ROBO1: variants seen among roughly 807,000 people sequenced by gnomAD.
ROBO1 encodes roundabout homolog 1.
Under a neutral mutation model 195.9 loss-of-function variants are expected in ROBO1, and 149 were observed. The ratio of observed to expected loss-of-function variants is 0.76; its 90% CI spans 0.67 to 0.87. The LOEUF is 0.87. Ranked by LOEUF, ROBO1 falls within the 40% of genes least tolerant of loss-of-function variation. ROBO1 has a pLI of 0.00. For synonymous variants in ROBO1, 816 were observed against 733.2 expected (o/e 1.11, Z -1.82); for missense variants, 1,933 against 2,068.3 (o/e 0.93, Z 1.27).
chr3:78,997,719 T>C (rs2077402537), intron 3 of ROBO1, among the ~76,000 whole-genome samples: 1 of 152,080 alleles, frequency 6.6e-6, no homozygotes, highest in Admixed American at 6.6e-5. Context: ...TCACCTAGAC[T>C]TGAAGAATTG....
intron 1 of ROBO1, among the ~76,000 whole-genome samples, chr3:79,662,782 A>T (rs1433900903): frequency 2.0e-5 from 3 of 152,074 alleles, no homozygotes; most frequent in African/African-American, 7.2e-5. Context: ...ATAAAGTTGC[A>T]AAACTGTGCC....
chr3:78,778,252 AT>A, intron 4 of ROBO1, among the ~76,000 whole-genome samples: 1 of 152,024 alleles, frequency 6.6e-6, no homozygotes, highest in South Asian at 2.1e-4. Context: ...TTTATAGAGG[AT>A]TTTCGCATCG....
chr3:79,153,265 A>G (rs1000650135), intron 2 of ROBO1, among the ~76,000 whole-genome samples: 3 of 151,774 alleles, frequency 2.0e-5, no homozygotes, highest in Admixed American at 6.6e-5. Flanking sequence ...GCTTAACCCT[A>G]TCTTTATCAG....
At chr3:79,758,051 C>A (rs996742791) in intron 1 of ROBO1, among the ~76,000 whole-genome samples, 2 of 152,194 alleles carry the variant, frequency 1.3e-5, no homozygotes, top group Non-Finnish European at 2.9e-5. Context: ...CTTACCAACA[C>A]AATCATTAGT....
At chr3:79,172,560 G>A (rs887367999) in intron 2 of ROBO1, among the ~76,000 whole-genome samples, 1 of 151,944 alleles carries the variant, frequency 6.6e-6, no homozygotes, top group African/African-American at 2.4e-5. Context: ...TTGTTAATTT[G>A]GAACAATCCT....
chr3:79,334,255 A>T (rs1160271831), intron 2 of ROBO1, among the ~76,000 whole-genome samples: 1 of 149,782 alleles, frequency 6.7e-6, no homozygotes, highest in Non-Finnish European at 1.5e-5. Flanking sequence ...GTGAGCAGAG[A>T]TCGCACCACT....
At chr3:79,564,665 G>T (rs985250657) in intron 2 of ROBO1, among the ~76,000 whole-genome samples, 1 of 151,998 alleles carries the variant, frequency 6.6e-6, no homozygotes. Context: ...TTGCAAGAAA[G>T]TTTTCTAACT....
At chr3:79,680,361 G>A (rs1443392153) in intron 1 of ROBO1, among the ~76,000 whole-genome samples, 2 of 151,968 alleles carry the variant, frequency 1.3e-5, no homozygotes, top group Non-Finnish European at 2.9e-5. Context: ...TTAACAGGAA[G>A]AATGTCAAAG....
At chr3:79,623,264 A>T (rs1945066304) in intron 1 of ROBO1, among the ~76,000 whole-genome samples, 1 of 152,104 alleles carries the variant, frequency 6.6e-6, no homozygotes, top group Non-Finnish European at 1.5e-5. Context: ...ATTGCTAAAA[A>T]CCCAAAAGGC....
intron 10 of ROBO1, among the ~76,000 whole-genome samples, chr3:78,673,473 A>T (rs1199902042): frequency 5.6e-5 from 8 of 143,030 alleles, no homozygotes; most frequent in Admixed American, 5.1e-4. Flanking sequence ...CTGTTATAAA[A>T]ATATATATAT....
At chr3:79,442,592 T>C (rs934330609) in intron 2 of ROBO1, among the ~76,000 whole-genome samples, 24 of 152,204 alleles carry the variant, frequency 1.6e-4, no homozygotes, top group African/African-American at 5.5e-4. Flanking sequence ...GCTGTGGAAG[T>C]CTCACTTCTG....
intron 2 of ROBO1, among the ~76,000 whole-genome samples, chr3:79,324,515 G>C (rs1315939608): frequency 2.0e-5 from 3 of 152,134 alleles, no homozygotes; most frequent in African/African-American, 7.2e-5. Flanking sequence ...TCTTTGGGGA[G>C]TGACACTAAA....
rs975343442 is a variant in ROBO1 at position 78,599,041 on chromosome 3, A to G, written c.4942-114T>C. 1.2e-5 allele frequency: 7 copies of G among 570,880 alleles called. No individual in the cohort carries two copies. In the East Asian group the frequency reaches 1.3e-4, roughly 10 times the overall value. 35.4% of individuals were successfully genotyped at this position (570,880 alleles called of 1,614,324 possible). A position where few individuals can be genotyped will look rare whatever the true frequency, so the allele number is the denominator to read the frequency against. ...TTTAATGTGTCTTTTCATTTATTCA[A>G]TGGACTATGTTGGAAAGGGCTCATG... On this transcript the variant is annotated intron_variant, in intron 30 of 30. Transcript: ENST00000464233.
intron 29 of ROBO1, among the ~76,000 whole-genome samples, chr3:78,605,051 T>G (rs1703387773): frequency 6.6e-6 from 1 of 152,192 alleles, no homozygotes; most frequent in Non-Finnish European, 1.5e-5. Context: ...ATCACCTCCC[T>G]TCCAAAATTT....
At chr3:79,679,165 T>A (rs902763912) in intron 1 of ROBO1, among the ~76,000 whole-genome samples, 2 of 152,002 alleles carry the variant, frequency 1.3e-5, no homozygotes, top group African/African-American at 2.4e-5. Context: ...TAGGCAGGTA[T>A]GTGTTTGTAT....
intron 4 of ROBO1, among the ~76,000 whole-genome samples, chr3:78,833,631 T>C (rs561594858): frequency 2.0e-5 from 3 of 152,070 alleles, no homozygotes; most frequent in Non-Finnish European, 4.4e-5. Context: ...TTTCTTAGGA[T>C]TGTTGTGTGG....
intron 2 of ROBO1, among the ~76,000 whole-genome samples, chr3:79,326,668 A>G (rs2034226802): frequency 6.6e-6 from 1 of 152,214 alleles, no homozygotes; most frequent in African/African-American, 2.4e-5. Context: ...GGTTTTTGCC[A>G]TTAATACATT....
intron 3 of ROBO1, among the ~76,000 whole-genome samples, chr3:79,056,747 A>G (rs2078817106): frequency 1.3e-5 from 2 of 152,082 alleles, no homozygotes; most frequent in Middle Eastern, 3.2e-3. Context: ...TATCTAGTGT[A>G]CAGCTTTCTC....
intron 2 of ROBO1, among the ~76,000 whole-genome samples, chr3:79,191,780 G>A (rs910544514): frequency 1.3e-5 from 2 of 150,998 alleles, no homozygotes; most frequent in Non-Finnish European, 3.0e-5. Flanking sequence ...AAAATCAAAG[G>A]GTATCTTTTT....
Sources: allele counts gnomAD v4.1 joint callset (sites outside exome capture counted in the v4.1 genomes callset), GRCh38; gene constraint gnomAD v4.1.1; transcripts MANE v1.5; gene names NCBI Gene and HGNC (gene_info 2026-07-23, HGNC 2026-07-21).